Variants in HMX3 observed in about 807,000 individuals in gnomAD.
The protein encoded by HMX3 is H6 family homeobox 3.
In HMX3, 8 loss-of-function variants were observed where a neutral mutation model predicts 22.8. That is an observed-to-expected ratio of 0.35 (90% CI 0.21 to 0.63). HMX3 has a LOEUF of 0.63. HMX3 is among the 30% of genes least tolerant of loss of function. HMX3 has a pLI of 0.72. For missense variants in HMX3, 527 were observed against 520.6 expected, an observed-to-expected ratio of 1.01 and a Z score of -0.12; for synonymous variants, 331 against 250.9, an observed-to-expected ratio of 1.32 and a Z score of -3.02.
Position 123,138,102 on chromosome 10 carries a change from G to A in HMX3, c.*371G>A, listed in dbSNP as rs1844098111. ...CTTTTTGGTTTTATTTTTATAGAAG[G>A]AAAATAAGCGCAAAACCTAAATCCC... On this transcript the variant is annotated 3_prime_UTR_variant, in exon 2 of 2. Transcript: ENST00000357878. 6.6e-6 allele frequency among the ~76,000 whole-genome samples: 1 copy of A among 150,676 alleles called. No homozygotes were observed. Among genetic ancestry groups the A allele is most frequent in the African/African-American group, 2.4e-5 (1 of 41,012 alleles).
Position 123,137,154 on chromosome 10 carries a change from A to C in HMX3, c.497A>C (p.Glu166Ala). ...PLLKADPDHK[E>A]LDSKSPDEII... ...CTCAAGGCCGACCCCGATCACAAGG[A>C]GCTGGACTCCAAGAGCCCGGACGAG... The change falls in exon 2 of 2, where the codon GAG becomes GCG. Residue 166 changes from glutamate to alanine, a missense_variant. By Grantham distance (107) the Glu-to-Ala change is moderately radical (BLOSUM62 -1). Around this residue, in one of 3 missense-constraint regions of HMX3, gnomAD observed 386 missense variants for 337.8 expected, o/e 1.14. Coordinates refer to ENST00000357878, the MANE Select transcript of HMX3 (RefSeq NM_001105574.2). This position sits in a 1 kb window ranked among gnomAD's most constrained non-coding sequence, Gnocchi z 5.8. 6.2e-7 allele frequency: 1 copy of C among 1,607,276 alleles called. No individual in the cohort carries two copies. Among genetic ancestry groups the C allele is most frequent in the East Asian group, 2.2e-5 (1 of 44,608 alleles).
At position 123,137,656 on chromosome 10, in the gene HMX3, G is replaced by T. The variant is rs756775163; in HGVS notation, c.999G>T (p.Pro333=). ...AAGAPVPVSQ[P]LLTFPHPVYY... is the part of the protein sequence containing the mutation. ...GGGCCCCGGTGCCAGTCAGCCAGCC[G>T]CTGCTCACCTTCCCGCACCCCGTCT... The change falls in exon 2 of 2, where the codon CCG becomes CCT. Residue 333 remains proline (P), a synonymous_variant. Coordinates refer to ENST00000357878, the MANE Select transcript of HMX3 (RefSeq NM_001105574.2). This position sits in a 1 kb window ranked among gnomAD's most constrained non-coding sequence, Gnocchi z 5.8. The T allele has an allele frequency of 6.7e-7, 1 of 1,502,380 alleles. No individual in the cohort carries two copies. The highest frequency in any genetic ancestry group is 8.8e-7 in the Non-Finnish European group (1 of 1,134,926). 93.1% of individuals were successfully genotyped at this position (1,502,380 alleles called of 1,614,324 possible).
chr10:123,138,127 C>T lies in HMX3; in HGVS notation c.*396C>T, dbSNP rs1844098327. Reference sequence around the variant, plus strand: ...GAAAATAAGCGCAAAACCTAAATCCCTCTAGTTTATTCTTTTCTGCTTTTT... The same window carrying T: ...GAAAATAAGCGCAAAACCTAAATCCTTCTAGTTTATTCTTTTCTGCTTTTT... On this transcript the variant is annotated 3_prime_UTR_variant, in exon 2 of 2. Transcript: ENST00000357878. Among the ~76,000 whole-genome samples, 1 of 147,202 alleles carries T rather than the reference C, an allele frequency of 6.8e-6. No homozygotes were observed. Among genetic ancestry groups the T allele is most frequent in the Non-Finnish European group, 1.5e-5 (1 of 67,346 alleles).
rs71245400 is a variant in HMX3, at chr10:123,139,345, G to GAAA, written c.*1622_*1624dup. On this transcript the variant is annotated 3_prime_UTR_variant, in exon 2 of 2. Coordinates refer to ENST00000357878, the MANE Select transcript of HMX3 (RefSeq NM_001105574.2). ...GTTGAGTCCCTTTTTAAGAAAAAGA[G>GAAA]AAAAAAAAAACCCACAAAATATTGT... Among the ~76,000 whole-genome samples, 1 of 147,574 alleles carries GAAA rather than the reference G, an allele frequency of 6.8e-6. No individual in the cohort carries two copies. The highest frequency in any genetic ancestry group is 2.5e-5 in the African/African-American group (1 of 40,056).
chr10:123,137,782 G>A lies in HMX3; in HGVS notation c.*51G>A. ...CGCCCGGCCTCCTTGTCCGGACCCC[G>A]GAGGAGACTGGGCCGGGCCGAGGGC... On this transcript the variant is annotated 3_prime_UTR_variant, in exon 2 of 2. Coordinates refer to ENST00000357878, the MANE Select transcript of HMX3 (RefSeq NM_001105574.2). The surrounding 1 kb of genome is among the most constrained non-coding windows in gnomAD (Gnocchi z 5.8). The A allele has an allele frequency of 7.5e-7, 1 of 1,338,486 alleles. No individual in the cohort carries two copies. The highest frequency in any genetic ancestry group is 9.8e-7 in the Non-Finnish European group (1 of 1,024,312). The allele number at this position is 1,338,486 out of a possible 1,614,324, so 82.9% of individuals were successfully genotyped here. A position where few individuals can be genotyped will look rare whatever the true frequency, so the allele number is the denominator to read the frequency against.
rs1844102519 is a variant in HMX3 at position 123,138,427 on chromosome 10, C to T, written c.*696C>T. On this transcript the variant is annotated 3_prime_UTR_variant, in exon 2 of 2. Transcript: ENST00000357878. ...CCTCCCAAAGTGCTGGGATTACAGG[C>T]GTGAGCCACTGCGCCCGGCCTAGTT... Among the ~76,000 whole-genome samples, 1 of 152,088 alleles carries T rather than the reference C, an allele frequency of 6.6e-6. No homozygotes were observed. Among genetic ancestry groups the T allele is most frequent in the African/African-American group, 2.4e-5 (1 of 41,400 alleles).
rs549760080 is a variant in HMX3, at chr10:123,136,527, A to C, written c.400+77A>C. 199 of 1,183,206 alleles carry C rather than the reference A, an allele frequency of 1.7e-4. 1 individual carries two copies. The African/African-American group carries it at 3.0e-3, about 18-fold the overall frequency. 73.3% of individuals were successfully genotyped at this position (1,183,206 alleles called of 1,614,324 possible). On this transcript the variant is annotated intron_variant, in intron 1 of 1. Coordinates refer to ENST00000357878, the MANE Select transcript of HMX3 (RefSeq NM_001105574.2). The surrounding 1 kb of genome is among the most constrained non-coding windows in gnomAD (Gnocchi z 4.8). ...CCCGCCCCGCGCTGCTTCCCTCCGC[A>C]GTTCTGGGACCCCAGCACCCGCAAA...
chr10:123,136,111 C>A lies in HMX3; in HGVS notation c.61C>A (p.Pro21Thr), dbSNP rs970850163. The A allele has an allele frequency of 7.4e-7, 1 of 1,356,750 alleles. No individual in the cohort carries two copies. Among genetic ancestry groups the A allele is most frequent in the Non-Finnish European group, 9.5e-7 (1 of 1,050,792 alleles). 84.0% of individuals were successfully genotyped at this position (1,356,750 alleles called of 1,614,324 possible). The change falls in exon 1 of 2, where the codon CCC becomes ACC. Residue 21 changes from proline to threonine, a missense_variant. Coordinates refer to ENST00000357878, the MANE Select transcript of HMX3 (RefSeq NM_001105574.2). This position sits in a 1 kb window ranked among gnomAD's most constrained non-coding sequence, Gnocchi z 4.8. ...TASAQPQPPP[P>T]PPPAPKESPF... ...CAGCGCACAGCCCCAACCGCCGCCGCCCCCCCCACCCGCTCCCAAGGAGTC... is the reference window on the plus strand; with the variant it reads ...CAGCGCACAGCCCCAACCGCCGCCGACCCCCCCACCCGCTCCCAAGGAGTC...
At position 123,137,050 on chromosome 10, in the gene HMX3, C is replaced by CT. The variant is rs1214549857; in HGVS notation, c.401-7dup. The CT allele has an allele frequency of 6.3e-7, 1 of 1,597,082 alleles. No individual in the cohort carries two copies. Among genetic ancestry groups the CT allele is most frequent in the Admixed American group, 1.7e-5 (1 of 57,546 alleles). On this transcript the variant is annotated splice_region_variant and splice_polypyrimidine_tract_variant and intron_variant, in intron 1 of 1. Coordinates refer to ENST00000357878, the MANE Select transcript of HMX3 (RefSeq NM_001105574.2). The surrounding 1 kb of genome is among the most constrained non-coding windows in gnomAD (Gnocchi z 5.8). ...CATGTGTGTGCGTCCGTCTGTCTGTCTCCCCAGCCTCGGAGAAGGCCTTGC... is the reference window on the plus strand; with the variant it reads ...CATGTGTGTGCGTCCGTCTGTCTGTCTTCCCCAGCCTCGGAGAAGGCCTTGC...
Position 123,137,293 on chromosome 10 carries a change from G to C in HMX3, c.636G>C (p.Trp212Cys), listed in dbSNP as rs1351124965. 6.2e-7 allele frequency: 1 copy of C among 1,602,762 alleles called. No individual in the cohort carries two copies. Among genetic ancestry groups the C allele is most frequent in the Non-Finnish European group, 8.5e-7 (1 of 1,174,970 alleles). ...CGGCCACTCCGGGCGCAGAAGACTG[G>C]AAGAAGGGCGCTGAAAGTCCAGAGA... ...AAAATPGAEDWKKGAESPEKK... is the reference protein window; with the variant it reads ...AAAATPGAEDCKKGAESPEKK... Residue 212 changes from tryptophan (W) to cysteine (C), a missense_variant, in exon 2 of 2, where the codon TGG becomes TGC. By Grantham distance (215) the Trp-to-Cys change is radical. Transcript: ENST00000357878. The surrounding 1 kb of genome is among the most constrained non-coding windows in gnomAD (Gnocchi z 5.8).
rs1030777424 is a variant in HMX3 at position 123,136,734 on chromosome 10, C to T, written c.400+284C>T. On this transcript the variant is annotated intron_variant, in intron 1 of 1. Coordinates refer to ENST00000357878, the MANE Select transcript of HMX3 (RefSeq NM_001105574.2). The surrounding 1 kb of genome is among the most constrained non-coding windows in gnomAD (Gnocchi z 4.8). The stretch of plus-strand genomic sequence containing the variant: ...CTTCGGACGGCCGGGGCTTGGGACA[C>T]GGCCTGGAAGGAGGGGGTGATTCCA... 7.9e-5 allele frequency among the ~76,000 whole-genome samples: 12 copies of T among 152,152 alleles called. No homozygotes were observed. Among genetic ancestry groups the T allele is most frequent in the African/African-American group, 2.4e-4 (10 of 41,518 alleles).
Position 123,137,172 on chromosome 10 carries a change from C to A in HMX3, c.515C>A (p.Pro172Gln), listed in dbSNP as rs1318144500. 6.2e-7 allele frequency: 1 copy of A among 1,603,688 alleles called. No homozygotes were observed. Among genetic ancestry groups the A allele is most frequent in the Non-Finnish European group, 8.5e-7 (1 of 1,175,362 alleles). ...CACAAGGAGCTGGACTCCAAGAGCC[C>A]GGACGAGATCATTCTGGAGGAGAGC... ...PDHKELDSKS[P>Q]DEIILEESDS... The change falls in exon 2 of 2, where the codon CCG (proline) becomes CAG (glutamine). Residue 172 changes from proline (P) to glutamine (Q), a missense_variant. This residue lies in a region of HMX3 where 386 missense variants were observed against 337.8 expected (regional missense o/e 1.14). Transcript: ENST00000357878. The surrounding 1 kb of genome is among the most constrained non-coding windows in gnomAD (Gnocchi z 5.8).
chr10:123,137,724 C>G lies in HMX3; in HGVS notation c.1067C>G (p.Pro356Arg). The stretch of plus-strand genomic sequence containing the variant: ...GTCTCTTCCGTGCCGCTGCTACGGC[C>G]GGTCTGAGGCCCCAGAGGGGTGGGG... Reference protein sequence around the residue: ...PVVSSVPLLRPV With the variant: ...PVVSSVPLLRRV The change falls in exon 2 of 2, where the codon CCG becomes CGG. Residue 356 changes from proline to arginine, a missense_variant. Physicochemically the swap from Pro to Arg is moderately radical, Grantham distance 103. Around this residue, in one of 3 missense-constraint regions of HMX3, gnomAD observed 100 missense variants for 102.3 expected, o/e 0.98. Transcript: ENST00000357878. This position sits in a 1 kb window ranked among gnomAD's most constrained non-coding sequence, Gnocchi z 5.8. The G allele has an allele frequency of 7.0e-7, 1 of 1,437,560 alleles. No individual in the cohort carries two copies. Among genetic ancestry groups the G allele is most frequent in the South Asian group, 1.5e-5 (1 of 67,656 alleles). The allele number at this position is 1,437,560 out of a possible 1,614,324, so 89.1% of individuals were successfully genotyped here. A position where few individuals can be genotyped will look rare whatever the true frequency, so the allele number is the denominator to read the frequency against.
rs533272783 is a variant in HMX3, at chr10:123,137,939, C to G, written c.*208C>G. On this transcript the variant is annotated 3_prime_UTR_variant, in exon 2 of 2. Coordinates refer to ENST00000357878, the MANE Select transcript of HMX3 (RefSeq NM_001105574.2). This position sits in a 1 kb window ranked among gnomAD's most constrained non-coding sequence, Gnocchi z 5.8. The stretch of plus-strand genomic sequence containing the variant: ...CAATTCATCCCTAATGGATTGGAGG[C>G]GCTTCCCCTCTTACTTTTGGTTTTT... Among the ~76,000 whole-genome samples the G allele has an allele frequency of 2.6e-5, 4 of 152,288 alleles. No individual in the cohort carries two copies. The highest frequency in any genetic ancestry group is 3.4e-3 in the Middle Eastern group (1 of 294).
rs747129757 is a variant in HMX3 at position 123,137,043 on chromosome 10, T to G, written c.401-15T>G. On this transcript the variant is annotated splice_polypyrimidine_tract_variant and intron_variant, in intron 1 of 1. Transcript: ENST00000357878. The surrounding 1 kb of genome is among the most constrained non-coding windows in gnomAD (Gnocchi z 5.8). The stretch of plus-strand genomic sequence containing the variant: ...CGGTGTGCATGTGTGTGCGTCCGTC[T>G]GTCTGTCTCCCCAGCCTCGGAGAAG... The G allele has an allele frequency of 3.1e-6, 5 of 1,591,916 alleles. No individual in the cohort carries two copies. Among genetic ancestry groups the G allele is most frequent in the Non-Finnish European group, 4.3e-6 (5 of 1,169,972 alleles).
Position 123,136,451 on chromosome 10 carries a change from G to C in HMX3, c.400+1G>C. On this transcript the variant is annotated splice_donor_variant, in intron 1 of 1. Transcript: ENST00000357878. LOFTEE classifies it high-confidence loss of function. This position sits in a 1 kb window ranked among gnomAD's most constrained non-coding sequence, Gnocchi z 4.8. ...GGCGGCCACCTCCCGCGACCTGAAG[G>C]TACCGACCTCTCTTTGAACTTTCGT... 7.0e-7 allele frequency: 1 copy of C among 1,418,682 alleles called. No individual in the cohort carries two copies. 87.9% of individuals were successfully genotyped at this position (1,418,682 alleles called of 1,614,324 possible). A position where few individuals can be genotyped will look rare whatever the true frequency, so the allele number is the denominator to read the frequency against.
Position 123,138,865 on chromosome 10 carries a change from A to G in HMX3, c.*1134A>G, listed in dbSNP as rs890550506. Among the ~76,000 whole-genome samples, 1 of 152,116 alleles carries G rather than the reference A, an allele frequency of 6.6e-6. No homozygotes were observed. Among genetic ancestry groups the G allele is most frequent in the Non-Finnish European group, 1.5e-5 (1 of 68,042 alleles). On this transcript the variant is annotated 3_prime_UTR_variant, in exon 2 of 2. Transcript: ENST00000357878. ...TTATTACTTTGTTCCCTGTTTTGAG[A>G]GAGTAATTTCAGTATTTTTAATATG...
In HMX3 at chr10:123,136,254, C is replaced by T. The variant is rs753749822; in HGVS notation, c.204C>T (p.Ala68=). The change falls in exon 1 of 2, where the codon GCC becomes GCT. Residue 68 remains alanine, a synonymous_variant. Transcript: ENST00000357878. The surrounding 1 kb of genome is among the most constrained non-coding windows in gnomAD (Gnocchi z 4.8). ...CGGCTGCCGCCGCCGCCGCCGCTGC[C>T]GCTGCCGCGGCGGCCAAGGGGGCCC... ...PASAAAAAAA[A]AAAAAKGALE... is the part of the protein sequence containing the mutation. 1.5e-6 allele frequency: 2 copies of T among 1,359,078 alleles called. No homozygotes were observed. Among genetic ancestry groups the T allele is most frequent in the Non-Finnish European group, 9.4e-7 (1 of 1,058,620 alleles). The allele number at this position is 1,359,078 out of a possible 1,614,324, so 84.2% of individuals were successfully genotyped here.
Position 123,139,095 on chromosome 10 carries a change from TAGTGATGCTCAA to T in HMX3, c.*1367_*1378del, listed in dbSNP as rs1029045413. Among the ~76,000 whole-genome samples the T allele has an allele frequency of 9.2e-5, 14 of 152,138 alleles. No homozygotes were observed. Among genetic ancestry groups the T allele is most frequent in the Non-Finnish European group, 1.6e-4 (11 of 68,022 alleles). The stretch of plus-strand genomic sequence containing the variant: ...GGGGGAAGAAAGAAACAAGCTTAGG[TAGTGATGCTCAA>T]AGGAGTAAGTTAGGCATACTGGAGC... On this transcript the variant is annotated 3_prime_UTR_variant, in exon 2 of 2. Transcript: ENST00000357878.
Sources: gnomAD v4.1 joint callset for allele counts (sites outside exome capture counted in the v4.1 genomes callset) on GRCh38, gnomAD v4.1.1 for gene constraint, gnomAD v4.1.1 regional missense constraint, Gnocchi (gnomAD v3.1) non-coding constraint, MANE v1.5 for transcripts, NCBI Gene and HGNC (gene_info 2026-07-23, HGNC 2026-07-21) for gene names.